The following H3-3B variants were observed in gnomAD, a reference collection of about 807,000 sequenced individuals.
H3-3B encodes H3.3 histone B.
Under a neutral mutation model 13.1 loss-of-function variants are expected in H3-3B, and 2 were observed. The ratio of observed to expected loss-of-function variants is 0.15; its 90% CI spans 0.06 to 0.48. The LOEUF (loss-of-function observed/expected upper bound fraction) is 0.48, where lower values mean the gene tolerates loss of function less well. H3-3B is among the 20% of genes least tolerant of loss of function. H3-3B has a pLI of 0.97. For missense variants in H3-3B, 39 were observed against 186.0 expected (o/e 0.21, Z 4.60); for synonymous variants, 133 against 75.8 (o/e 1.76, Z -3.92).
In H3-3B at chr17:75,778,735, G is replaced by C. The variant is rs774480907; in HGVS notation, c.283-12C>G. On this transcript the variant is annotated splice_polypyrimidine_tract_variant and intron_variant, in intron 3 of 3. Transcript: ENST00000254810. ...GCTTCGCTAGCCTCCTGTTGAGGAC[G>C]AGAGCCGCACTATTAATCCCACTCG... The C allele has an allele frequency of 3.7e-6, 6 of 1,614,024 alleles. No individual in the cohort carries two copies. The African/African-American group carries it at 6.7e-5, about 18-fold the overall frequency.
In H3-3B at chr17:75,778,631, G is replaced by A. The variant is rs768451806; in HGVS notation, c.375C>T (p.Ile125=). 6.2e-7 allele frequency: 1 copy of A among 1,614,106 alleles called. No homozygotes were observed. Among genetic ancestry groups the A allele is most frequent in the Admixed American group, 1.7e-5 (1 of 60,016 alleles). ...CTCCCCGTATCCGGCGAGCCAACTGGATGTCTTTGGGCATGATGGTGACTC... is the reference window on the plus strand; with the variant it reads ...CTCCCCGTATCCGGCGAGCCAACTGAATGTCTTTGGGCATGATGGTGACTC... The part of the protein sequence containing the change: ...AKRVTIMPKD[I]QLARRIRGER... Residue 125 remains isoleucine, a synonymous_variant, in exon 4 of 4, where the codon ATC becomes ATT. Coordinates refer to ENST00000254810, the MANE Select transcript of H3-3B (RefSeq NM_005324.5).
Position 75,777,109 on chromosome 17 carries a change from C to A in H3-3B, c.*1486G>T, listed in dbSNP as rs1289060856. On this transcript the variant is annotated 3_prime_UTR_variant, in exon 4 of 4. Transcript: ENST00000254810. ...TCTCATGCTGTCTCACTGACATCCA[C>A]GTACTATGCTTTAGTGGCCATCATC... 1.3e-5 allele frequency: 2 copies of A among 152,186 alleles called. No homozygotes were observed. Among genetic ancestry groups the A allele is most frequent in the Admixed American group, 6.5e-5 (1 of 15,276 alleles). 9.4% of individuals were successfully genotyped at this position (152,186 alleles called of 1,614,324 possible).
rs1271721680 is a variant in H3-3B, at chr17:75,777,683, GA to G, written c.*911del. On this transcript the variant is annotated 3_prime_UTR_variant, in exon 4 of 4. Coordinates refer to ENST00000254810, the MANE Select transcript of H3-3B (RefSeq NM_005324.5). ...AGTTTTTATAATACAAATGCCACAA[GA>G]AAAAGAACTTCGGTACTGTTTCCTC... 6.6e-6 allele frequency: 1 copy of G among 152,346 alleles called. No homozygotes were observed. The highest frequency in any genetic ancestry group is 1.5e-5 in the Non-Finnish European group (1 of 68,010). The allele number at this position is 152,346 out of a possible 1,614,324, so 9.4% of individuals were successfully genotyped here.
rs1033102099 is a variant in H3-3B at position 75,778,788 on chromosome 17, C to T, written c.282+22G>A. On this transcript the variant is annotated intron_variant, in intron 3 of 3. Transcript: ENST00000254810. ...GAGCGGAAACCGCCCAGCCCTCCCC[C>T]GGCTCCAGGCCTTTGTCTTACCTGC... is the stretch of plus-strand genomic sequence containing the variant. 3.1e-6 allele frequency: 5 copies of T among 1,614,006 alleles called. No individual in the cohort carries two copies. In the African/African-American group the frequency reaches 5.3e-5, roughly 17 times the overall value.
In H3-3B at chr17:75,778,598, A is replaced by G. The variant is rs199993848; in HGVS notation, c.408T>C (p.Ala136=). ...QLARRIRGER[A] ...ACGCCATAAAAACTGCCTTCACTTAAGCTCTCTCTCCCCGTATCCGGCGAG... is the reference window on the plus strand; with the variant it reads ...ACGCCATAAAAACTGCCTTCACTTAGGCTCTCTCTCCCCGTATCCGGCGAG... The change falls in exon 4 of 4, where the codon GCT becomes GCC. Residue 136 remains alanine (A), a synonymous_variant. Transcript: ENST00000254810. 1 of 1,612,352 alleles carries G rather than the reference A, an allele frequency of 6.2e-7. No homozygotes were observed. The highest frequency in any genetic ancestry group is 1.3e-5 in the African/African-American group (1 of 74,960).
At chr17:75,779,520 G>A (rs887197171) in intron 1 of H3-3B, 137 bp downstream of exon 1, 15 of 180,404 alleles carry the variant, frequency 8.3e-5, no homozygotes, top group African/African-American at 1.9e-4. Flanking sequence ...AAGCCCCAAG[G>A]GGAAACCTCC....
chr17:75,776,648 C>G lies in H3-3B; in HGVS notation c.*1947G>C, dbSNP rs2061638732. 6.6e-6 allele frequency: 1 copy of G among 152,200 alleles called. No individual in the cohort carries two copies. Among genetic ancestry groups the G allele is most frequent in the Non-Finnish European group, 1.5e-5 (1 of 68,038 alleles). The allele number at this position is 152,200 out of a possible 1,614,324, so 9.4% of individuals were successfully genotyped here. Reference sequence around the variant, plus strand: ...TGCAAGTCACTGCTTCGGCAGATTGCAAGCTGCCCAATATAATCTAAGAGC... The same window carrying G: ...TGCAAGTCACTGCTTCGGCAGATTGGAAGCTGCCCAATATAATCTAAGAGC... On this transcript the variant is annotated 3_prime_UTR_variant, in exon 4 of 4. Coordinates refer to ENST00000254810, the MANE Select transcript of H3-3B (RefSeq NM_005324.5).
At position 75,778,567 on chromosome 17, in the gene H3-3B, T is replaced by C. The variant is rs2061650563; in HGVS notation, c.*28A>G. The C allele has an allele frequency of 6.3e-7, 1 of 1,599,448 alleles. No homozygotes were observed. The highest frequency in any genetic ancestry group is 8.5e-7 in the Non-Finnish European group (1 of 1,173,786). On this transcript the variant is annotated 3_prime_UTR_variant, in exon 4 of 4. Coordinates refer to ENST00000254810, the MANE Select transcript of H3-3B (RefSeq NM_005324.5). ...AACCAAAGTATTTTACAGAATTTAC[T>C]ACAAAACGCCATAAAAACTGCCTTC...
intron 1 of H3-3B, 161 bp from the exon 2 acceptor site, chr17:75,779,345 T>TC (rs1733767419): frequency 3.0e-6 from 2 of 662,136 alleles, no homozygotes; most frequent in African/African-American, 1.9e-5. Flanking sequence ...CTCCTCCCCC[T>TC]CCCCTAATGA....
At position 75,778,337 on chromosome 17, in the gene H3-3B, A is replaced by G; in HGVS notation, c.*258T>C. The stretch of plus-strand genomic sequence containing the variant: ...AATAGCTACCCAACAAGTCATTAAC[A>G]TACAGAAACATGCATCATGAGAAGC... On this transcript the variant is annotated 3_prime_UTR_variant, in exon 4 of 4. Transcript: ENST00000254810. The G allele has an allele frequency of 8.0e-6, 4 of 497,050 alleles. No homozygotes were observed. The highest frequency in any genetic ancestry group is 4.8e-5 in the South Asian group (2 of 41,938). The allele number at this position is 497,050 out of a possible 1,614,324, so 30.8% of individuals were successfully genotyped here.
intron 1 of H3-3B, 181 bp downstream of exon 1, chr17:75,779,476 C>A: frequency 4.1e-6 from 1 of 246,808 alleles, no homozygotes; most frequent in Non-Finnish European, 7.7e-6. Context: ...TCTGAATCAC[C>A]GCCGGGAAAA....
chr17:75,778,459 T>G lies in H3-3B; in HGVS notation c.*136A>C. On this transcript the variant is annotated 3_prime_UTR_variant, in exon 4 of 4. Coordinates refer to ENST00000254810, the MANE Select transcript of H3-3B (RefSeq NM_005324.5). ...GGTCTGTGAACAGTCACTTTTCGCATTCATCCTGAGTGAAAGATGGAATGA... is the reference window on the plus strand; with the variant it reads ...GGTCTGTGAACAGTCACTTTTCGCAGTCATCCTGAGTGAAAGATGGAATGA... 4.7e-6 allele frequency: 6 copies of G among 1,272,836 alleles called. No homozygotes were observed. Among genetic ancestry groups the G allele is most frequent in the Non-Finnish European group, 6.6e-6 (6 of 914,752 alleles). The allele number at this position is 1,272,836 out of a possible 1,614,324, so 78.8% of individuals were successfully genotyped here.
chr17:75,778,046 A>C lies in H3-3B; in HGVS notation c.*549T>G, dbSNP rs905944631. On this transcript the variant is annotated 3_prime_UTR_variant, in exon 4 of 4. Transcript: ENST00000254810. ...TGTGAATGTAAAACATTTAATTTAAAAATGTTGATACTACAATATATAAAA... is the reference window on the plus strand; with the variant it reads ...TGTGAATGTAAAACATTTAATTTAACAATGTTGATACTACAATATATAAAA... 4 of 152,768 alleles carry C rather than the reference A, an allele frequency of 2.6e-5. No homozygotes were observed. The highest frequency in any genetic ancestry group is 9.6e-5 in the African/African-American group (4 of 41,464). 9.5% of individuals were successfully genotyped at this position (152,768 alleles called of 1,614,324 possible). A position where few individuals can be genotyped will look rare whatever the true frequency, so the allele number is the denominator to read the frequency against.
At position 75,776,997 on chromosome 17, in the gene H3-3B, C is replaced by A. The variant is rs762471508; in HGVS notation, c.*1598G>T. 2.0e-5 allele frequency: 3 copies of A among 152,164 alleles called. No individual in the cohort carries two copies. Among genetic ancestry groups the A allele is most frequent in the Non-Finnish European group, 4.4e-5 (3 of 68,036 alleles). The allele number at this position is 152,164 out of a possible 1,614,324, so 9.4% of individuals were successfully genotyped here. A position where few individuals can be genotyped will look rare whatever the true frequency, so the allele number is the denominator to read the frequency against. On this transcript the variant is annotated 3_prime_UTR_variant, in exon 4 of 4. Transcript: ENST00000254810. The stretch of plus-strand genomic sequence containing the variant: ...TCCAAAATATCACATTTGAAACTAA[C>A]CCAAACTTTTGAGAAAGCAATTTTA...
chr17:75,777,660 T>C lies in H3-3B; in HGVS notation c.*935A>G, dbSNP rs1334605754. 6.6e-6 allele frequency: 1 copy of C among 152,442 alleles called. No homozygotes were observed. Among genetic ancestry groups the C allele is most frequent in the Non-Finnish European group, 1.5e-5 (1 of 68,038 alleles). The allele number at this position is 152,442 out of a possible 1,614,324, so 9.4% of individuals were successfully genotyped here. ...TTTTGTGCTCCTCCCCCACACCAAGTTTTTATAATACAAATGCCACAAGAA... is the reference window on the plus strand; with the variant it reads ...TTTTGTGCTCCTCCCCCACACCAAGCTTTTATAATACAAATGCCACAAGAA... On this transcript the variant is annotated 3_prime_UTR_variant, in exon 4 of 4. Coordinates refer to ENST00000254810, the MANE Select transcript of H3-3B (RefSeq NM_005324.5).
In H3-3B at chr17:75,779,777, C is replaced by T. The variant is rs530702142; in HGVS notation, c.-131G>A. 3.9e-5 allele frequency: 6 copies of T among 152,644 alleles called. No individual in the cohort carries two copies. The highest frequency in any genetic ancestry group is 1.9e-4 in the East Asian group (1 of 5,202). 9.5% of individuals were successfully genotyped at this position (152,644 alleles called of 1,614,324 possible). A position where few individuals can be genotyped will look rare whatever the true frequency, so the allele number is the denominator to read the frequency against. On this transcript the variant is annotated 5_prime_UTR_variant, in exon 1 of 4. Transcript: ENST00000254810. ...CAACGAACGACCAAACCGCTCTGCG[C>T]TCCAAGCCCCCGCGTCGCCTCCGTT...
Position 75,779,200 on chromosome 17 carries a change from C to A in H3-3B, c.-10-16G>T. 1 of 1,472,356 alleles carries A rather than the reference C, an allele frequency of 6.8e-7. No individual in the cohort carries two copies. Among genetic ancestry groups the A allele is most frequent in the South Asian group, 1.4e-5 (1 of 70,782 alleles). The allele number at this position is 1,472,356 out of a possible 1,614,324, so 91.2% of individuals were successfully genotyped here. ...TTTCTTTCACCTAAGAAAGACGCCCCGAAGATAAGGCCGCCGCGCTCACCC... is the reference window on the plus strand; with the variant it reads ...TTTCTTTCACCTAAGAAAGACGCCCAGAAGATAAGGCCGCCGCGCTCACCC... On this transcript the variant is annotated splice_polypyrimidine_tract_variant and intron_variant, in intron 1 of 3. Transcript: ENST00000254810.
rs2061650913 is a variant in H3-3B, at chr17:75,778,629, TG to T, written c.376del (p.Gln126SerfsTer13). On this transcript the variant is annotated frameshift_variant, in exon 4 of 4. Transcript: ENST00000254810. LOFTEE classifies it high-confidence loss of function. ...KRVTIMPKDI[Q>X]LARRIRGERA ...CTCTCCCCGTATCCGGCGAGCCAACTGGATGTCTTTGGGCATGATGGTGACT... is the reference window on the plus strand; with the variant it reads ...CTCTCCCCGTATCCGGCGAGCCAACTGATGTCTTTGGGCATGATGGTGACT... The T allele has an allele frequency of 6.2e-7, 1 of 1,614,070 alleles. No homozygotes were observed. The highest frequency in any genetic ancestry group is 8.5e-7 in the Non-Finnish European group (1 of 1,180,040).
chr17:75,779,349 CTAA>C, intron 1 of H3-3B, 165 bp from the exon 2 acceptor site: 1 of 656,774 alleles, frequency 1.5e-6, no homozygotes, highest in East Asian at 3.5e-5. Flanking sequence ...TCCCCCTCCC[CTAA>C]TGACTCAGGC....
Sources: gnomAD v4.1 joint callset for allele counts on GRCh38, gnomAD v4.1.1 for gene constraint, MANE v1.5 for transcripts, NCBI Gene and HGNC (gene_info 2026-07-23, HGNC 2026-07-21) for gene names.